The following NDUFAF6 variants were observed in gnomAD, a reference collection of about 807,000 sequenced individuals.
NDUFAF6 encodes NADH:ubiquinone oxidoreductase complex assembly factor 6.
A neutral mutation model predicts 40.8 loss-of-function variants in NDUFAF6; 45 were observed. That is an observed-to-expected ratio of 1.10 (90% CI 0.87 to 1.42). The LOEUF (loss-of-function observed/expected upper bound fraction) is 1.42, where lower values mean the gene tolerates loss of function less well. Among genes scored for constraint, NDUFAF6 ranks in the 40% most tolerant of loss-of-function variants. The probability of loss-of-function intolerance (pLI) is 0.00; values close to 1 mark genes in which losing one functional copy is unlikely to be tolerated. For synonymous variants in NDUFAF6, 185 were observed against 155.9 expected, an observed-to-expected ratio of 1.19 and a Z score of -1.39; for missense variants, 435 against 418.5, an observed-to-expected ratio of 1.04 and a Z score of -0.34.
intron 1 of NDUFAF6, among the ~76,000 whole-genome samples, chr8:94,934,161 C>CAGT (rs1415939134): frequency 6.9e-6 from 1 of 144,640 alleles, no homozygotes; most frequent in Non-Finnish European, 1.5e-5. Context: ...AAAAAAAAAA[C>CAGT]ACAATCTGGA....
chr8:95,025,312 C>T (rs1563797859), intron 1 of NDUFAF6, 107 bp downstream of exon 1: 1 of 1,135,288 alleles, frequency 8.8e-7, no homozygotes. Context: ...CCGGCGCCTT[C>T]CTCGTGCCCC....
At chr8:95,071,552 G>A (rs897330323) in intron 9 of NDUFAF6, among the ~76,000 whole-genome samples, 2 of 152,138 alleles carry the variant, frequency 1.3e-5, no homozygotes, top group African/African-American at 4.8e-5. Flanking sequence ...TGTTGCCCCA[G>A]AGCCGACCCC....
intron 9 of NDUFAF6, among the ~76,000 whole-genome samples, chr8:95,075,427 C>G (rs572804571): frequency 2.0e-5 from 3 of 152,326 alleles, no homozygotes; most frequent in African/African-American, 7.2e-5. Flanking sequence ...AATACACAGT[C>G]TCAAAATGCT....
At chr8:95,050,024 C>T (rs939441251) in intron 7 of NDUFAF6, among the ~76,000 whole-genome samples, 11 of 152,136 alleles carry the variant, frequency 7.2e-5, no homozygotes, top group Admixed American at 1.3e-4. Context: ...TAACAGTTCT[C>T]GGCCCTGACA....
intron 1 of NDUFAF6, among the ~76,000 whole-genome samples, chr8:94,975,615 G>GACT (rs1824852350): frequency 1.3e-5 from 2 of 152,190 alleles, no homozygotes; most frequent in African/African-American, 4.8e-5. Flanking sequence ...GATTGGGTTA[G>GACT]AGAAAGGGTG....
intron 2 of NDUFAF6, among the ~76,000 whole-genome samples, chr8:94,952,428 A>G (rs1822702302): frequency 6.6e-6 from 1 of 152,220 alleles, no homozygotes; most frequent in Non-Finnish European, 1.5e-5. Flanking sequence ...CTATCTACCC[A>G]TCAACAGTTA....
intron 7 of NDUFAF6, among the ~76,000 whole-genome samples, chr8:95,048,796 A>T (rs1396450155): frequency 6.6e-6 from 1 of 152,162 alleles, no homozygotes; most frequent in East Asian, 1.9e-4. Context: ...GAGCTTTCTC[A>T]TGTGGGCTCC....
chr8:95,098,585 G>T (rs967519691), upstream of NDUFAF6, among the ~76,000 whole-genome samples: 4 of 152,222 alleles, frequency 2.6e-5, no homozygotes, highest in African/African-American at 7.2e-5. Flanking sequence ...AAGGAGAATT[G>T]CTTTAACCTG....
chr8:95,027,384 G>A (rs1229714400), intron 1 of NDUFAF6, among the ~76,000 whole-genome samples: 3 of 151,958 alleles, frequency 2.0e-5, no homozygotes, highest in African/African-American at 7.3e-5. Context: ...TTCCAGACCA[G>A]CCTGGGCAAC....
intron 4 of NDUFAF6, among the ~76,000 whole-genome samples, chr8:95,109,555 CATAG>C (rs768690104): frequency 1.3e-5 from 2 of 148,922 alleles, no homozygotes; most frequent in East Asian, 2.0e-4. Flanking sequence ...AAAATGTAAT[CATAG>C]ATAGAGATGT....
downstream of NDUFAF6, among the ~76,000 whole-genome samples, chr8:95,107,609 C>T (rs915096063): frequency 6.6e-6 from 1 of 151,770 alleles, no homozygotes; most frequent in Non-Finnish European, 1.5e-5. Context: ...GCACTTGTAT[C>T]CTAGAACTTA....
chr8:95,108,903 T>C (rs1485781426), intron 4 of NDUFAF6, among the ~76,000 whole-genome samples: 1 of 152,190 alleles, frequency 6.6e-6, no homozygotes, highest in East Asian at 1.9e-4. Flanking sequence ...GTTAAAATGG[T>C]AAATTTTATG....
At chr8:94,967,235 G>A (rs1824079630) in intron 1 of NDUFAF6, among the ~76,000 whole-genome samples, 1 of 152,232 alleles carries the variant, frequency 6.6e-6, no homozygotes, top group South Asian at 2.1e-4. Context: ...TAGGGCAGAT[G>A]TGTTTGTTGG....
chr8:95,060,178 A>G (rs1386633156), downstream of NDUFAF6, among the ~76,000 whole-genome samples: 1 of 152,200 alleles, frequency 6.6e-6, no homozygotes, highest in Non-Finnish European at 1.5e-5. Context: ...CAATCTAGAG[A>G]TTCAAGTGGA....
chr8:95,072,730 T>C (rs1832908401), intron 9 of NDUFAF6: 1 of 152,842 alleles, frequency 6.5e-6, no homozygotes, highest in Non-Finnish European at 1.5e-5. Flanking sequence ...AGACCAGGTA[T>C]GTGTGTGGTG....
At chr8:95,091,544 C>T (rs559486786) in intron 2 of NDUFAF6, among the ~76,000 whole-genome samples, 46 of 152,124 alleles carry the variant, frequency 3.0e-4, no homozygotes, top group Non-Finnish European at 5.4e-4. Flanking sequence ...ATTTGATGTT[C>T]ATGCTGAAGC....
intron 1 of NDUFAF6, among the ~76,000 whole-genome samples, chr8:94,942,870 C>G (rs1821677928): frequency 6.6e-6 from 1 of 152,062 alleles, no homozygotes; most frequent in Non-Finnish European, 1.5e-5. Context: ...GGGAGGGTCA[C>G]AATAGCAGGC....
chr8:95,058,449 G>T lies in NDUFAF6; in HGVS notation c.*512G>T. 1 of 1,230,682 alleles carries T rather than the reference G, an allele frequency of 8.1e-7. No homozygotes were observed. Among genetic ancestry groups the T allele is most frequent in the Non-Finnish European group, 1.0e-6 (1 of 987,570 alleles). 76.2% of individuals were successfully genotyped at this position (1,230,682 alleles called of 1,614,324 possible). On this transcript the variant is annotated 3_prime_UTR_variant, in exon 9 of 9. Transcript: ENST00000396124. ...CGTGTTGTGGGCTTTTATCCTTAAC[G>T]TTTAATTTTTACAATCTTGTGTAAA... is the stretch of plus-strand genomic sequence containing the variant.
intron 1 of NDUFAF6, among the ~76,000 whole-genome samples, chr8:94,972,436 G>A (rs978771077): frequency 4.0e-5 from 6 of 151,868 alleles, no homozygotes; most frequent in South Asian, 2.1e-4. Flanking sequence ...ATGGGGTTTC[G>A]CCATGTTGGT....
Sources: gnomAD v4.1 joint callset for allele counts (sites outside exome capture counted in the v4.1 genomes callset) on GRCh38, gnomAD v4.1.1 for gene constraint, MANE v1.5 for transcripts, NCBI Gene and HGNC (gene_info 2026-07-23, HGNC 2026-07-21) for gene names.